Variants in MFAP3 observed in about 807,000 individuals in gnomAD.
The protein encoded by MFAP3 is microfibril associated protein 3, also known as microfibril-associated glycoprotein 3.
MFAP3 carries 8 observed loss-of-function variants against 20.5 expected under a neutral mutation model. That is an observed-to-expected ratio of 0.39 (90% CI 0.23 to 0.70). The LOEUF is 0.70. Ranked by LOEUF, MFAP3 falls within the 30% of genes least tolerant of loss-of-function variation. The pLI is 0.44. For missense variants in MFAP3, 398 were observed against 444.6 expected, an observed-to-expected ratio of 0.90 and a Z score of 0.94; for synonymous variants, 140 against 154.0, an observed-to-expected ratio of 0.91 and a Z score of 0.67.
At chr5:154,046,097 C>T (rs1029214901) in intron 1 of MFAP3, among the ~76,000 whole-genome samples, 1 of 152,110 alleles carries the variant, frequency 6.6e-6, no homozygotes, top group Non-Finnish European at 1.5e-5. Context: ...AAAAAGCTCT[C>T]CTGACAGTTG....
intron 1 of MFAP3, among the ~76,000 whole-genome samples, chr5:154,039,851 C>T (rs1772873618): frequency 6.6e-6 from 1 of 152,176 alleles, no homozygotes; most frequent in Non-Finnish European, 1.5e-5. Context: ...TTAATGCCCT[C>T]GGAATTATCA....
chr5:154,049,577 A>T lies in MFAP3; in HGVS notation c.-146A>T. ...TTTAGGTTCTCTACTCACATCTTTTAATCTTGAAGACTAGAAAATATAACT... is the reference window on the plus strand; with the variant it reads ...TTTAGGTTCTCTACTCACATCTTTTTATCTTGAAGACTAGAAAATATAACT... On this transcript the variant is annotated 5_prime_UTR_variant, in exon 2 of 3. Coordinates refer to ENST00000522782, the MANE Select transcript of MFAP3 (RefSeq NM_005927.5). 1 of 781,578 alleles carries T rather than the reference A, an allele frequency of 1.3e-6. No individual in the cohort carries two copies. The highest frequency in any genetic ancestry group is 2.0e-6 in the Non-Finnish European group (1 of 502,512). The allele number at this position is 781,578 out of a possible 1,614,324, so 48.4% of individuals were successfully genotyped here.
intron 1 of MFAP3, 85 bp downstream of exon 1, chr5:154,039,096 G>A (rs1244550713): frequency 1.3e-5 from 2 of 152,322 alleles, no homozygotes. Context: ...TTGGGGTCGG[G>A]AGTGCAGGAG....
intron 1 of MFAP3, among the ~76,000 whole-genome samples, chr5:154,043,568 A>AC (rs1773010910): frequency 6.6e-6 from 1 of 151,966 alleles, no homozygotes; most frequent in Non-Finnish European, 1.5e-5. Flanking sequence ...ACACACACAC[A>AC]AAAAGGAAAG....
At chr5:154,048,918 C>A (rs1773120183) in intron 1 of MFAP3, among the ~76,000 whole-genome samples, 1 of 152,158 alleles carries the variant, frequency 6.6e-6, no homozygotes. Context: ...AATGTTCTTG[C>A]CCATGAAGGA....
At chr5:154,039,815 T>G (rs956975213) in intron 1 of MFAP3, among the ~76,000 whole-genome samples, 12 of 152,224 alleles carry the variant, frequency 7.9e-5, no homozygotes, top group Admixed American at 2.6e-4. Context: ...ACTTAGCCTT[T>G]AAGAACTCAT....
In MFAP3 at chr5:154,049,627, T is replaced by A. The variant is rs689715; in HGVS notation, c.-96T>A. On this transcript the variant is annotated 5_prime_UTR_variant, in exon 2 of 3. Coordinates refer to ENST00000522782, the MANE Select transcript of MFAP3 (RefSeq NM_005927.5). ...TGGATCTACCACTTGTTTGGAAAAT[T>A]TCTCTACCAAGCAATAAATTACCCG... is the stretch of plus-strand genomic sequence containing the variant. The A allele has an allele frequency of 0.63, 777,341 of 1,238,048 alleles. 247,059 individuals are homozygous for A. The highest frequency in any genetic ancestry group is 0.87 in the East Asian group (36,075 of 41,362). 76.7% of individuals were successfully genotyped at this position (1,238,048 alleles called of 1,614,324 possible).
chr5:154,049,942 C>T lies in MFAP3; in HGVS notation c.220C>T (p.Leu74Phe), dbSNP rs780057486. Reference protein sequence around the residue: ...KEGTSVSIECLLTASHYEDVH... With the variant: ...KEGTSVSIECFLTASHYEDVH... ...GGGAACTAGCGTTTCAATTGAGTGT[C>T]TTCTCACAGCCAGTCACTATGAAGA... is the stretch of plus-strand genomic sequence containing the variant. Residue 74 changes from leucine to phenylalanine, a missense_variant, in exon 2 of 3, where the codon CTT (leucine) becomes TTT (phenylalanine). By Grantham distance (22) the Leu-to-Phe change is conservative. Transcript: ENST00000522782. 1 of 1,613,652 alleles carries T rather than the reference C, an allele frequency of 6.2e-7. No homozygotes were observed. Among genetic ancestry groups the T allele is most frequent in the Admixed American group, 1.7e-5 (1 of 59,988 alleles).
chr5:154,046,054 G>C (rs867745372), intron 1 of MFAP3, among the ~76,000 whole-genome samples: 2 of 152,234 alleles, frequency 1.3e-5, no homozygotes, highest in Non-Finnish European at 1.5e-5. Flanking sequence ...TTTCTTACTC[G>C]TTCTGGGTTG....
rs574736276 is a variant in MFAP3, at chr5:154,055,682, T to G, written c.*1969T>G. ...GTGCAGTGGCAAGATCATAGCTCACTGCAGCCTCCAACTCCTGGGGTCAAG... is the reference window on the plus strand; with the variant it reads ...GTGCAGTGGCAAGATCATAGCTCACGGCAGCCTCCAACTCCTGGGGTCAAG... On this transcript the variant is annotated 3_prime_UTR_variant, in exon 3 of 3. Transcript: ENST00000522782. Among the ~76,000 whole-genome samples the G allele has an allele frequency of 6.6e-6, 1 of 152,322 alleles. No individual in the cohort carries two copies. Among genetic ancestry groups the G allele is most frequent in the East Asian group, 1.9e-4 (1 of 5,180 alleles).
At chr5:154,044,038 T>C (rs544908) in intron 1 of MFAP3, among the ~76,000 whole-genome samples, 92,464 of 152,050 alleles carry the variant, frequency 0.61, 28,708 homozygotes, top group East Asian at 0.88. Flanking sequence ...TATAATTACA[T>C]TTCAGTCACA....
intron 1 of MFAP3, among the ~76,000 whole-genome samples, chr5:154,041,217 G>A (rs547223576): frequency 5.3e-5 from 8 of 152,176 alleles, no homozygotes; most frequent in African/African-American, 1.9e-4. Flanking sequence ...ATATTATAGA[G>A]AGGGTACAGT....
intron 1 of MFAP3, chr5:154,039,354 A>G (rs1190757869): frequency 6.6e-6 from 1 of 152,238 alleles, no homozygotes; most frequent in African/African-American, 2.4e-5. Context: ...GATGGAACGA[A>G]GTGGGAGAGT....
chr5:154,043,597 A>G (rs1364685244), intron 1 of MFAP3, among the ~76,000 whole-genome samples: 2 of 152,078 alleles, frequency 1.3e-5, no homozygotes, highest in African/African-American at 4.8e-5. Flanking sequence ...AAATTTTATC[A>G]AGTAACTTCA....
chr5:154,040,063 A>G (rs1772887049), intron 1 of MFAP3, among the ~76,000 whole-genome samples: 1 of 152,228 alleles, frequency 6.6e-6, no homozygotes, highest in Non-Finnish European at 1.5e-5. Flanking sequence ...TGGAAAATGC[A>G]TAGAATTTGG....
chr5:154,040,123 A>C (rs764554405), intron 1 of MFAP3, among the ~76,000 whole-genome samples: 30 of 152,216 alleles, frequency 2.0e-4, no homozygotes, highest in Non-Finnish European at 3.4e-4. Flanking sequence ...AATGCTGCTG[A>C]TAATTATAGC....
At position 154,052,975 on chromosome 5, in the gene MFAP3, T is replaced by C; in HGVS notation, c.351T>C (p.Asp117=). 2 of 1,613,846 alleles carry C rather than the reference T, an allele frequency of 1.2e-6. No homozygotes were observed. Among genetic ancestry groups the C allele is most frequent in the African/African-American group, 2.7e-5 (2 of 75,024 alleles). The change falls in exon 3 of 3, where the codon GAT becomes GAC. Residue 117 remains aspartate (D), a synonymous_variant. Coordinates refer to ENST00000522782, the MANE Select transcript of MFAP3 (RefSeq NM_005927.5). The part of the protein sequence containing the change: ...NFLNITNVAF[D]DRGLYTCFVT... ...TAAACATCACCAATGTAGCTTTTGA[T>C]GACCGTGGGCTCTATACCTGTTTCG...
chr5:154,056,959 T>G lies in MFAP3; in HGVS notation c.*3246T>G, dbSNP rs1369993626. 6.6e-6 allele frequency among the ~76,000 whole-genome samples: 1 copy of G among 152,204 alleles called. No individual in the cohort carries two copies. Among genetic ancestry groups the G allele is most frequent in the Non-Finnish European group, 1.5e-5 (1 of 68,028 alleles). On this transcript the variant is annotated 3_prime_UTR_variant, in exon 3 of 3. Coordinates refer to ENST00000522782, the MANE Select transcript of MFAP3 (RefSeq NM_005927.5). ...GCCTCACTTAACAAATATTTTAAGG[T>G]CAAAGCAATATCTGTGCACGGCTTT...
rs551384974 is a variant in MFAP3 at position 154,052,617 on chromosome 5, G to A, written c.296-303G>A. Among the ~76,000 whole-genome samples, 88 of 152,172 alleles carry A rather than the reference G, an allele frequency of 5.8e-4. No individual in the cohort carries two copies. In the Middle Eastern group the frequency reaches 0.01, roughly 18 times the overall value. ...AGCTTTTTTTATGATTAGTCATTTA[G>A]CATTTTATAGACATACCTGTTTCAC... is the stretch of plus-strand genomic sequence containing the variant. On this transcript the variant is annotated intron_variant, in intron 2 of 2. Coordinates refer to ENST00000522782, the MANE Select transcript of MFAP3 (RefSeq NM_005927.5).
Sources: allele counts gnomAD v4.1 joint callset (sites outside exome capture counted in the v4.1 genomes callset), GRCh38; gene constraint gnomAD v4.1.1; transcripts MANE v1.5; gene names NCBI Gene and HGNC (gene_info 2026-07-23, HGNC 2026-07-21).